Variants in GLG1 observed in about 807,000 individuals in gnomAD.
GLG1 encodes Golgi apparatus protein 1.
In GLG1, 38 loss-of-function variants were observed where a neutral mutation model predicts 160.5. The observed-to-expected ratio is 0.24, with a 90% CI of 0.18 to 0.31. The LOEUF (loss-of-function observed/expected upper bound fraction) is 0.31. Among genes scored for constraint, GLG1 ranks in the 10% least tolerant of loss-of-function variants. GLG1 has a pLI of 1.00. For missense variants in GLG1, 1,373 were observed against 1,505.2 expected (o/e 0.91, Z 1.45); for synonymous variants, 644 against 543.4 (o/e 1.19, Z -2.57).
chr16:74,563,419 TAC>T (rs1344793685), intron 1 of GLG1: 10 of 152,320 alleles, frequency 6.6e-5, no homozygotes, highest in African/African-American at 2.2e-4. Context: ...GAGTAAACGA[TAC>T]AGTGTCTAGA....
At chr16:74,475,574 G>T (rs2015366791) in intron 12 of GLG1, among the ~76,000 whole-genome samples, 1 of 152,192 alleles carries the variant, frequency 6.6e-6, no homozygotes, top group Admixed American at 6.5e-5. Flanking sequence ...AACCGAGCTG[G>T]AGCTATCTGT....
At chr16:74,473,623 G>A (rs2015292258) in intron 13 of GLG1, among the ~76,000 whole-genome samples, 1 of 151,714 alleles carries the variant, frequency 6.6e-6, no homozygotes, top group Non-Finnish European at 1.5e-5. Flanking sequence ...TGTATTTTTA[G>A]TACAGACGGG....
At chr16:74,600,382 G>A (rs1019629609) in intron 1 of GLG1, among the ~76,000 whole-genome samples, 1 of 151,866 alleles carries the variant, frequency 6.6e-6, no homozygotes, top group African/African-American at 2.4e-5. Context: ...GGGAGATAGA[G>A]TAAGACTTTC....
intron 1 of GLG1, among the ~76,000 whole-genome samples, chr16:74,539,929 C>A (rs1379900346): frequency 8.0e-6 from 1 of 125,076 alleles, no homozygotes; most frequent in Non-Finnish European, 1.6e-5. Context: ...TAAAAAATAA[C>A]AAATAAGAAT....
At chr16:74,460,439 G>A (rs1597220733) in intron 22 of GLG1, among the ~76,000 whole-genome samples, 1 of 152,362 alleles carries the variant, frequency 6.6e-6, no homozygotes, top group South Asian at 2.1e-4. Flanking sequence ...TTATAGGCAT[G>A]AGCCACCACA....
chr16:74,538,350 A>T (rs1006196520), intron 1 of GLG1, among the ~76,000 whole-genome samples: 4 of 151,932 alleles, frequency 2.6e-5, no homozygotes, highest in African/African-American at 9.7e-5. Flanking sequence ...CATCACACGA[A>T]CACTTCATTT....
chr16:74,456,842 C>T (rs1015637085), intron 24 of GLG1, 87 bp from the exon 25 acceptor site: 90 of 823,258 alleles, frequency 1.1e-4, no homozygotes, highest in Non-Finnish European at 2.1e-5. Flanking sequence ...GGTGCACAAC[C>T]ACCAGAGAAT....
intron 3 of GLG1, 144 bp downstream of exon 3, chr16:74,508,695 A>AC (rs1401209023): frequency 1.3e-4 from 72 of 574,234 alleles, no homozygotes; most frequent in Non-Finnish European, 6.3e-6. Context: ...GTCTAATTAC[A>AC]CCCCCCAACT....
At chr16:74,605,647 A>G (rs4302071) in intron 1 of GLG1, among the ~76,000 whole-genome samples, 111,086 of 151,918 alleles carry the variant, frequency 0.73, 41,122 homozygotes, top group African/African-American at 0.84. Context: ...GAATACTAGA[A>G]CACGAGATGA....
intron 23 of GLG1, 73 bp downstream of exon 23, chr16:74,459,609 C>T (rs996642050): frequency 1.8e-5 from 14 of 776,890 alleles, no homozygotes; most frequent in Non-Finnish European, 2.8e-5. Context: ...GGTAGGCAGA[C>T]TACAGCATTA....
At chr16:74,526,612 T>C (rs1236018158) in intron 2 of GLG1, among the ~76,000 whole-genome samples, 1 of 151,958 alleles carries the variant, frequency 6.6e-6, no homozygotes, top group African/African-American at 2.4e-5. Flanking sequence ...TAGTCCCAGC[T>C]ACTCAGGAGG....
At chr16:74,554,603 G>A (rs2018302324) in intron 1 of GLG1, among the ~76,000 whole-genome samples, 1 of 152,168 alleles carries the variant, frequency 6.6e-6, no homozygotes, top group Non-Finnish European at 1.5e-5. Context: ...ATGTAAGATG[G>A]TCACTTAAAT....
intron 1 of GLG1, among the ~76,000 whole-genome samples, chr16:74,562,141 A>G (rs1418550852): frequency 6.6e-6 from 1 of 152,276 alleles, no homozygotes; most frequent in Non-Finnish European, 1.5e-5. Context: ...GCATTCCTGG[A>G]GAAATCTCCA....
intron 9 of GLG1, among the ~76,000 whole-genome samples, chr16:74,485,254 G>A (rs1410864778): frequency 6.6e-6 from 1 of 152,176 alleles, no homozygotes; most frequent in Non-Finnish European, 1.5e-5. Flanking sequence ...ACTAAAGAAT[G>A]AGAATACTTT....
chr16:74,597,744 C>T (rs1408753636), intron 1 of GLG1, among the ~76,000 whole-genome samples: 3 of 151,792 alleles, frequency 2.0e-5, no homozygotes, highest in Middle Eastern at 3.4e-3. Flanking sequence ...GTCCCAGCTA[C>T]TCGGGAGGCT....
chr16:74,474,923 G>C (rs2015343309), intron 12 of GLG1, among the ~76,000 whole-genome samples: 1 of 152,110 alleles, frequency 6.6e-6, no homozygotes, highest in African/African-American at 2.4e-5. Context: ...TTGGGAGGCT[G>C]AAGTGGGCAG....
At chr16:74,463,726 GTTT>G (rs60022447) in intron 19 of GLG1, among the ~76,000 whole-genome samples, 20 of 93,974 alleles carry the variant, frequency 2.1e-4, no homozygotes, top group Non-Finnish European at 4.5e-4. Flanking sequence ...TCATTTTTGT[GTTT>G]TTTTTGTTGT....
rs368546504 is a variant in GLG1 at position 74,465,790 on chromosome 16, G to C, written c.2553C>G (p.Asn851Lys). The C allele has an allele frequency of 4.3e-6, 7 of 1,613,552 alleles. No individual in the cohort carries two copies. The highest frequency in any genetic ancestry group is 5.1e-6 in the Non-Finnish European group (6 of 1,179,666). The stretch of plus-strand genomic sequence containing the variant: ...GGCAGCGGGTGCTTAGCTGCTTCTT[G>C]TTTTCTTTCAGACATTCGATAATCT... ...NAQIIECLKE[N>K]KKQLSTRCHQ... The change falls in exon 19 of 26, where the codon AAC (asparagine) becomes AAG (lysine). Residue 851 changes from asparagine to lysine, a missense_variant. Physicochemically the swap from Asn to Lys is moderately conservative, Grantham distance 94. Transcript: ENST00000422840.
intron 1 of GLG1, among the ~76,000 whole-genome samples, chr16:74,571,239 G>A (rs2018818260): frequency 6.6e-6 from 1 of 152,072 alleles, no homozygotes. Context: ...CCAACCCACA[G>A]CTGACCTGCC....
Sources: gnomAD v4.1 joint callset for allele counts (sites outside exome capture counted in the v4.1 genomes callset) on GRCh38, gnomAD v4.1.1 for gene constraint, MANE v1.5 for transcripts, NCBI Gene and HGNC (gene_info 2026-07-23, HGNC 2026-07-21) for gene names.